The following ERBB4 variants were observed in gnomAD, a reference collection of about 807,000 sequenced individuals.
ERBB4 encodes erb-b2 receptor tyrosine kinase 4.
In ERBB4, 42 loss-of-function variants were observed where a neutral mutation model predicts 158.0. That is an observed-to-expected ratio of 0.27 (90% confidence interval 0.21 to 0.34). The LOEUF is 0.34. ERBB4 is among the 10% of genes least tolerant of loss of function. ERBB4 has a pLI of 1.00. For missense variants in ERBB4, 1,333 were observed against 1,624.1 expected, an observed-to-expected ratio of 0.82 and a Z score of 3.08; for synonymous variants, 583 against 558.7, an observed-to-expected ratio of 1.04 and a Z score of -0.61.
At chr2:211,925,884 G>A (rs11688057) in intron 3 of ERBB4, among the ~76,000 whole-genome samples, 3,776 of 151,870 alleles carry the variant, frequency 0.025, 70 homozygotes, top group South Asian at 0.055. Context: ...TTTAATTGGA[G>A]GAACAGATCA....
intron 3 of ERBB4, among the ~76,000 whole-genome samples, chr2:211,821,026 C>G (rs555552746): frequency 6.6e-6 from 1 of 151,730 alleles, no homozygotes; most frequent in African/African-American, 2.4e-5. Context: ...ATATTCAACA[C>G]AGTAATAGAA....
chr2:212,326,033 C>T (rs1400831339), intron 1 of ERBB4, among the ~76,000 whole-genome samples: 1 of 150,332 alleles, frequency 6.7e-6, no homozygotes, highest in Non-Finnish European at 1.5e-5. Flanking sequence ...GAGCTGGAGG[C>T]CCAAACAGCC....
Position 211,665,430 on chromosome 2 carries a change from G to C in ERBB4, c.1764C>G (p.Asn588Lys), listed in dbSNP as rs2105919500. 1.2e-6 allele frequency: 2 copies of C among 1,613,956 alleles called. No individual in the cohort carries two copies. The highest frequency in any genetic ancestry group is 1.7e-6 in the Non-Finnish European group (2 of 1,179,956). ...AGCCATCTGGACATTTTTCCACACA[G>C]TTTGGGCCATCTTTAAAATGAGAGC... is the stretch of plus-strand genomic sequence containing the variant. Reference protein sequence around the residue: ...TKCSHFKDGPNCVEKCPDGLQ... With the variant: ...TKCSHFKDGPKCVEKCPDGLQ... Residue 588 changes from asparagine to lysine, a missense_variant, in exon 15 of 28, where the codon AAC becomes AAG. Coordinates refer to ENST00000342788, the MANE Select transcript of ERBB4 (RefSeq NM_005235.3).
chr2:212,177,689 C>T (rs780785211), intron 1 of ERBB4, among the ~76,000 whole-genome samples: 1 of 151,804 alleles, frequency 6.6e-6, no homozygotes, highest in Admixed American at 6.6e-5. Flanking sequence ...ACAAATGTGC[C>T]GGCACTATGC....
chr2:211,623,796 A>C (rs952221110), intron 18 of ERBB4, 126 bp downstream of exon 18: 37 of 896,308 alleles, frequency 4.1e-5, no homozygotes, highest in Non-Finnish European at 6.1e-5. Flanking sequence ...TCTCAATATT[A>C]TAAAAGTCTT....
At chr2:211,874,630 A>G (rs576991900) in intron 3 of ERBB4, among the ~76,000 whole-genome samples, 8 of 152,228 alleles carry the variant, frequency 5.3e-5, no homozygotes, top group Non-Finnish European at 1.0e-4. Flanking sequence ...TCTCCATACT[A>G]GAGTGATAAC....
At chr2:212,204,614 G>A (rs1201478612) in intron 1 of ERBB4, among the ~76,000 whole-genome samples, 2 of 151,124 alleles carry the variant, frequency 1.3e-5, no homozygotes, top group African/African-American at 4.9e-5. Flanking sequence ...CAAGAATTGC[G>A]TGAACCTTGG....
At chr2:211,763,447 A>C (rs2075466622) in intron 4 of ERBB4, among the ~76,000 whole-genome samples, 1 of 152,202 alleles carries the variant, frequency 6.6e-6, no homozygotes, top group South Asian at 2.1e-4. Context: ...AGTTCCTAAC[A>C]GTGTTCAAAA....
chr2:212,519,498 A>G (rs1468109730), intron 1 of ERBB4, among the ~76,000 whole-genome samples: 3 of 151,878 alleles, frequency 2.0e-5, no homozygotes, highest in Admixed American at 1.3e-4. Flanking sequence ...GCTGTTAGTC[A>G]TGAACACAGG....
rs1309133629 is a variant in ERBB4 at position 211,471,504 on chromosome 2, C to CA, written c.2488-40405dup. On this transcript the variant is annotated intron_variant, in intron 20 of 27. Coordinates refer to ENST00000342788, the MANE Select transcript of ERBB4 (RefSeq NM_005235.3). ...AATATATGTGCTGATAAAGCAGCGC[C>CA]AAAAAAAAACTTGTGAGTGACCTGT... Among the ~76,000 whole-genome samples, 40 of 150,630 alleles carry CA rather than the reference C, an allele frequency of 2.7e-4. 2 individuals carry two copies. Among genetic ancestry groups the CA allele is most frequent in the South Asian group, 2.1e-4 (1 of 4,750 alleles).
intron 10 of ERBB4, among the ~76,000 whole-genome samples, chr2:211,704,820 A>G (rs1343963513): frequency 1.3e-5 from 2 of 152,318 alleles, no homozygotes; most frequent in East Asian, 1.9e-4. Flanking sequence ...TTGTAATTCC[A>G]TGGGCTTTCA....
At chr2:211,506,990 A>G (rs572838468) in intron 20 of ERBB4, among the ~76,000 whole-genome samples, 3 of 152,122 alleles carry the variant, frequency 2.0e-5, no homozygotes, top group Non-Finnish European at 4.4e-5. Flanking sequence ...ACGAAGAAAA[A>G]TATTCAAATA....
intron 20 of ERBB4, among the ~76,000 whole-genome samples, chr2:211,560,782 C>G (rs1361515139): frequency 1.3e-5 from 2 of 152,154 alleles, no homozygotes; most frequent in Non-Finnish European, 2.9e-5. Flanking sequence ...TAAGGAAACT[C>G]TACTGCGAGT....
chr2:211,543,646 T>C (rs1033415227), intron 20 of ERBB4, among the ~76,000 whole-genome samples: 2 of 151,886 alleles, frequency 1.3e-5, no homozygotes, highest in Non-Finnish European at 2.9e-5. Flanking sequence ...ATAATCAAAA[T>C]TATTTTGGGC....
chr2:211,488,793 A>G (rs1418036286), intron 20 of ERBB4, among the ~76,000 whole-genome samples: 2 of 152,080 alleles, frequency 1.3e-5, no homozygotes, highest in Non-Finnish European at 2.9e-5. Context: ...TATTAAGGAA[A>G]TGAAATCTCA....
At chr2:211,724,990 G>T in intron 6 of ERBB4, 86 bp downstream of exon 6, 1 of 1,042,354 alleles carries the variant, frequency 9.6e-7, no homozygotes, top group South Asian at 1.3e-5. Flanking sequence ...TGATCTGATT[G>T]TAATAAGACA....
chr2:212,032,973 C>T (rs1417299984), intron 2 of ERBB4, among the ~76,000 whole-genome samples: 2 of 151,590 alleles, frequency 1.3e-5, no homozygotes, highest in Non-Finnish European at 3.0e-5. Context: ...CAAAATAAAA[C>T]AAACTTAGCA....
intron 1 of ERBB4, among the ~76,000 whole-genome samples, chr2:212,514,289 T>C (rs1045180857): frequency 6.6e-6 from 1 of 152,202 alleles, no homozygotes; most frequent in African/African-American, 2.4e-5. Context: ...AAAAGTATTT[T>C]TCACATACTT....
At chr2:212,007,692 C>T (rs2076290223) in intron 2 of ERBB4, among the ~76,000 whole-genome samples, 2 of 151,790 alleles carry the variant, frequency 1.3e-5, no homozygotes, top group African/African-American at 4.8e-5. Context: ...AATCCTTAAG[C>T]ACTACACAGT....
Sources: gnomAD v4.1 joint callset for allele counts (sites outside exome capture counted in the v4.1 genomes callset) on GRCh38, gnomAD v4.1.1 for gene constraint, MANE v1.5 for transcripts, NCBI Gene and HGNC (gene_info 2026-07-23, HGNC 2026-07-21) for gene names.